The following CLCN5 variants were observed in gnomAD, a reference collection of about 807,000 sequenced individuals.
CLCN5 encodes the protein Cl-/H+ antiporter 5.
A neutral mutation model predicts 54.0 loss-of-function variants in CLCN5; 17 were observed. The observed-to-expected ratio is 0.31, with a 90% CI of 0.22 to 0.47. CLCN5 has a LOEUF of 0.47. Among genes scored for constraint, CLCN5 ranks in the 20% least tolerant of loss-of-function variants. The pLI is 1.00. For missense variants in CLCN5, 448 were observed against 646.7 expected, an observed-to-expected ratio of 0.69 and a Z score of 3.33; for synonymous variants, 222 against 233.0, an observed-to-expected ratio of 0.95 and a Z score of 0.43.
At chrX:49,938,643 A>G (rs1375941095) in intron 3 of CLCN5, among the ~76,000 whole-genome samples, 7 of 112,140 alleles carry the variant, frequency 6.2e-5, no homozygotes, top group African/African-American at 1.3e-4. Flanking sequence ...TTAATTCAAG[A>G]TGGATTAAAG....
chrX:50,009,555 C>T (rs1465137229), intron 3 of CLCN5, among the ~76,000 whole-genome samples: 3 of 111,950 alleles, frequency 2.7e-5, no homozygotes, highest in Non-Finnish European at 5.6e-5. Flanking sequence ...TCTGAGAGGG[C>T]ATGTCCATGT....
At chrX:50,034,507 A>G (rs1907568467) in intron 3 of CLCN5, among the ~76,000 whole-genome samples, 1 of 111,584 alleles carries the variant, frequency 9.0e-6, no homozygotes, top group African/African-American at 3.3e-5. Flanking sequence ...ACTTTTGTGG[A>G]GCAAAAATAA....
chrX:50,044,385 T>C, intron 4 of CLCN5, among the ~76,000 whole-genome samples: 1 of 111,746 alleles, frequency 8.9e-6, no homozygotes, highest in East Asian at 2.8e-4. Flanking sequence ...AGGCAGAAAG[T>C]ATGCTTTTAC....
chrX:50,079,035 G>A (rs933347387), intron 7 of CLCN5, among the ~76,000 whole-genome samples: 2 of 111,507 alleles, frequency 1.8e-5, no homozygotes, highest in Admixed American at 1.9e-4. Flanking sequence ...ATGTTAGCCA[G>A]GATGGTCTTG....
Position 50,088,722 on chromosome X carries a change from A to G in CLCN5, c.1582A>G (p.Ser528Gly). The G allele has an allele frequency of 1.7e-6, 2 of 1,211,652 alleles. No homozygotes were observed. Among genetic ancestry groups the G allele is most frequent in the Non-Finnish European group, 2.2e-6 (2 of 895,273 alleles). ...GATCCCTTCTGGCCTCTTTATCCCTAGCATGGCTGTTGGTGCTATAGCAGG... is the reference window on the plus strand; with the variant it reads ...GATCCCTTCTGGCCTCTTTATCCCTGGCATGGCTGTTGGTGCTATAGCAGG... ...MKIPSGLFIP[S>G]MAVGAIAGRL... Residue 528 changes from serine to glycine, a missense_variant, in exon 12 of 15, where the codon AGC becomes GGC. Coordinates refer to ENST00000376091, the MANE Select transcript of CLCN5 (RefSeq NM_001127898.4).
chrX:49,987,476 C>T (rs1929039209), intron 3 of CLCN5, among the ~76,000 whole-genome samples: 1 of 111,869 alleles, frequency 8.9e-6, no homozygotes, highest in Non-Finnish European at 1.9e-5. Context: ...CTAATAGCAA[C>T]ACACTTGTAT....
rs959610230 is a variant in CLCN5 at position 50,081,776 on chromosome X, G to A, written c.862G>A (p.Ala288Thr). Residue 288 changes from alanine to threonine, a missense_variant, in exon 9 of 15, where the codon GCT (alanine) becomes ACT (threonine). Coordinates refer to ENST00000376091, the MANE Select transcript of CLCN5 (RefSeq NM_001127898.4). ...CAAAGAGGGCCCTCTAGTGCACGTG[G>A]CTTGCTGCTGTGGGAACATCCTGTG... The part of the protein sequence containing the change: ...LGKEGPLVHV[A>T]CCCGNILCHC... 8.3e-6 allele frequency: 10 copies of A among 1,209,897 alleles called. No homozygotes were observed. The highest frequency in any genetic ancestry group is 1.8e-5 in the South Asian group (1 of 56,765).
Position 49,995,216 on chromosome X carries a change from C to T in CLCN5, c.17-47100C>T, listed in dbSNP as rs782574965. On this transcript the variant is annotated intron_variant, in intron 3 of 14. Transcript: ENST00000376091. The stretch of plus-strand genomic sequence containing the variant: ...GGAGTGTGTGTCCCTAAACCCGACA[C>T]GCCCTGAAATCTTCCTGAATTAGTA... Among the ~76,000 whole-genome samples the T allele has an allele frequency of 3.6e-4, 40 of 111,431 alleles. 1 individual carries two copies. The South Asian group carries it at 0.013, about 36-fold the overall frequency.
intron 3 of CLCN5, among the ~76,000 whole-genome samples, chrX:49,977,827 G>C: frequency 9.0e-6 from 1 of 111,660 alleles, no homozygotes; most frequent in Non-Finnish European, 1.9e-5. Context: ...GTGGTGGGCA[G>C]GGCTGGGCTA....
chrX:50,086,826 C>T lies in CLCN5; in HGVS notation c.1513C>T (p.Leu505Phe). ...YSAMWQLALTLILKIVITIFT... is the reference protein window; with the variant it reads ...YSAMWQLALTFILKIVITIFT... ...TGCAATGTGGCAGCTGGCTTTAACA[C>T]TCATACTGAAAATTGTCATTACTAT... is the stretch of plus-strand genomic sequence containing the variant. The change falls in exon 11 of 15, where the codon CTC becomes TTC. Residue 505 changes from leucine (L) to phenylalanine (F), a missense_variant. Coordinates refer to ENST00000376091, the MANE Select transcript of CLCN5 (RefSeq NM_001127898.4). 2 of 1,211,324 alleles carry T rather than the reference C, an allele frequency of 1.7e-6. No individual in the cohort carries two copies.
chrX:50,066,377 A>G (rs1482944645), intron 4 of CLCN5, among the ~76,000 whole-genome samples: 1 of 111,652 alleles, frequency 9.0e-6, no homozygotes, highest in Non-Finnish European at 1.9e-5. Context: ...AACTGAAAGC[A>G]TACAGGTCCC....
intron 3 of CLCN5, among the ~76,000 whole-genome samples, chrX:49,931,862 A>G (rs1306852937): frequency 3.8e-5 from 4 of 104,263 alleles, no homozygotes; most frequent in Non-Finnish European, 7.8e-5. Context: ...GTAGTGAGCT[A>G]TGATCTCGCC....
At chrX:50,041,478 A>G (rs1557187129) in intron 3 of CLCN5, among the ~76,000 whole-genome samples, 2 of 111,184 alleles carry the variant, frequency 1.8e-5, no homozygotes, top group African/African-American at 6.5e-5. Context: ...ACAGCATTGA[A>G]TGGCACACTA....
chrX:50,073,322 G>A (rs1557191718), intron 6 of CLCN5, among the ~76,000 whole-genome samples: 1 of 111,654 alleles, frequency 9.0e-6, no homozygotes, highest in Admixed American at 9.5e-5. Context: ...TGAAAGAGAA[G>A]TTAGGTGGAA....
intron 2 of CLCN5, among the ~76,000 whole-genome samples, chrX:49,924,158 T>TTTTTTTTTTTTTTTTTTG (rs1925216181): frequency 9.3e-6 from 1 of 107,643 alleles, no homozygotes; most frequent in African/African-American, 3.4e-5. Context: ...TTTTTTTTTT[T>TTTTTTTTTTTTTTTTTTG]TTTTGGTTTG....
chrX:49,979,355 C>T (rs1463604186), intron 3 of CLCN5, among the ~76,000 whole-genome samples: 1 of 111,686 alleles, frequency 9.0e-6, no homozygotes. Flanking sequence ...TTCACAAATA[C>T]ACCAGAGTTT....
At chrX:50,067,475 C>G (rs1933065494) in intron 4 of CLCN5, 1 of 368,274 alleles carries the variant, frequency 2.7e-6, no homozygotes, top group Non-Finnish European at 3.5e-6. Context: ...GAGACTACAT[C>G]TTTAAGGCTT....
At chrX:49,945,657 T>C (rs2147280373) in intron 3 of CLCN5, among the ~76,000 whole-genome samples, 1 of 98,270 alleles carries the variant, frequency 1.0e-5, no homozygotes, top group South Asian at 5.6e-4. Context: ...GGTTTCACCA[T>C]GTTGGCCAGG....
In CLCN5 at chrX:50,081,816, A is replaced by G. The variant is rs782733541; in HGVS notation, c.902A>G (p.Lys301Arg). The G allele has an allele frequency of 1.7e-6, 2 of 1,209,511 alleles. No individual in the cohort carries two copies. ...CGNILCHCFN[K>R]YRKNEAKRRE... ...AACATCCTGTGCCACTGCTTCAACA[A>G]ATACAGGAAGAATGAAGCCAAGCGC... The change falls in exon 9 of 15, where the codon AAA (lysine) becomes AGA (arginine). Residue 301 changes from lysine (K) to arginine (R), a missense_variant. This residue lies in a region of CLCN5 where 297 missense variants were observed against 470.4 expected (regional missense o/e 0.63). Coordinates refer to ENST00000376091, the MANE Select transcript of CLCN5 (RefSeq NM_001127898.4).
Sources: gnomAD v4.1 joint callset for allele counts (sites outside exome capture counted in the v4.1 genomes callset) on GRCh38, gnomAD v4.1.1 for gene constraint, gnomAD v4.1.1 regional missense constraint, MANE v1.5 for transcripts, NCBI Gene and HGNC (gene_info 2026-07-23, HGNC 2026-07-21) for gene names.